The following ERICH1 variants were observed in gnomAD, a reference collection of about 807,000 sequenced individuals.
The protein encoded by ERICH1 is glutamate rich 1.
A neutral mutation model predicts 39.6 loss-of-function variants in ERICH1; 56 were observed. That is an observed-to-expected ratio of 1.41 (90% CI 1.14 to 1.77). ERICH1 has a LOEUF of 1.77. Among genes scored for constraint, ERICH1 ranks in the 40% most tolerant of loss-of-function variants. ERICH1 has a pLI of 0.00. For synonymous variants in ERICH1, 313 were observed against 223.6 expected, an observed-to-expected ratio of 1.40 and a Z score of -3.57; for missense variants, 826 against 575.4, an observed-to-expected ratio of 1.44 and a Z score of -4.45.
chr8:708,170 C>T (rs551454418), intron 2 of ERICH1, among the ~76,000 whole-genome samples: 1 of 152,018 alleles, frequency 6.6e-6, no homozygotes, highest in Non-Finnish European at 1.5e-5. Context: ...AAACTAGAAC[C>T]TTTGTACAAT....
intron 4 of ERICH1, 55 bp downstream of exon 4, chr8:673,234 T>G: frequency 6.6e-7 from 1 of 1,515,812 alleles, no homozygotes; most frequent in Admixed American, 2.2e-5. Context: ...TTGTTTCTTT[T>G]AATAAACTTT....
Position 721,477 on chromosome 8 carries a change from C to T in ERICH1, c.23-5470G>A, listed in dbSNP as rs142957725. ...TGGGTTTAGCATCTGAGCTGACAAG[C>T]GCCGAGCGTGCGGCCCCCACACACC... On this transcript the variant is annotated intron_variant, in intron 1 of 5. Coordinates refer to ENST00000262109, the MANE Select transcript of ERICH1 (RefSeq NM_207332.3). 4.7e-3 allele frequency among the ~76,000 whole-genome samples: 717 copies of T among 152,320 alleles called. 8 individuals are homozygous for T. Among genetic ancestry groups the T allele is most frequent in the African/African-American group, 0.016 (683 of 41,578 alleles).
At position 713,886 on chromosome 8, in the gene ERICH1, C is replaced by T. The variant is rs1049015296; in HGVS notation, c.169+1975G>A. ...CCCAGAAATGGCACCCAGGAACCCA[C>T]GTCTGGCTTCATAGACTTATGTGTT... On this transcript the variant is annotated intron_variant, in intron 2 of 5. Coordinates refer to ENST00000262109, the MANE Select transcript of ERICH1 (RefSeq NM_207332.3). Among the ~76,000 whole-genome samples, 12 of 152,176 alleles carry T rather than the reference C, an allele frequency of 7.9e-5. 1 individual carries two copies. Among genetic ancestry groups the T allele is most frequent in the Non-Finnish European group, 1.5e-4 (10 of 68,036 alleles).
intron 5 of ERICH1, chr8:667,943 G>A (rs1405259907): frequency 1.9e-5 from 3 of 153,908 alleles, no homozygotes; most frequent in African/African-American, 4.8e-5. Context: ...TGCCACTGAC[G>A]GGTGCCACGG....
chr8:655,291 C>T (rs544769172), intron 3 of ERICH1, among the ~76,000 whole-genome samples: 10 of 152,222 alleles, frequency 6.6e-5, no homozygotes, highest in Non-Finnish European at 1.3e-4. Flanking sequence ...TACGCTCAGA[C>T]GCCCTCATGC....
chr8:668,998 C>G lies in ERICH1; in HGVS notation c.1064-206G>C. ...CATGAACGACTGTGGAAACCTGGCC[C>G]GTCTACACCTCTGTCTGGTGAGACG... On this transcript the variant is annotated intron_variant, in intron 4 of 5. Coordinates refer to ENST00000262109, the MANE Select transcript of ERICH1 (RefSeq NM_207332.3). 3 of 584,168 alleles carry G rather than the reference C, an allele frequency of 5.1e-6. No homozygotes were observed. The South Asian group carries it at 6.5e-5, about 13-fold the overall frequency. The allele number at this position is 584,168 out of a possible 1,614,324, so 36.2% of individuals were successfully genotyped here. A position where few individuals can be genotyped will look rare whatever the true frequency, so the allele number is the denominator to read the frequency against.
chr8:656,791 C>T (rs1800717814), intron 3 of ERICH1: 1 of 985,360 alleles, frequency 1.0e-6, no homozygotes, highest in African/African-American at 1.7e-5. Flanking sequence ...CAGTGGTTCC[C>T]AGACTCCCAG....
At chr8:686,362 C>G (rs1338914386) in intron 3 of ERICH1, among the ~76,000 whole-genome samples, 1 of 152,132 alleles carries the variant, frequency 6.6e-6, no homozygotes, top group Non-Finnish European at 1.5e-5. Context: ...CCAACAATAG[C>G]TTGGAAATCG....
intron 1 of ERICH1, among the ~76,000 whole-genome samples, chr8:729,974 A>G (rs1411396503): frequency 6.6e-6 from 1 of 152,196 alleles, no homozygotes; most frequent in Non-Finnish European, 1.5e-5. Context: ...CAGTAGCAAG[A>G]AGCCCCCCAC....
At position 692,464 on chromosome 8, in the gene ERICH1, AC is replaced by A. The variant is rs1234499585; in HGVS notation, c.304+13del. On this transcript the variant is annotated intron_variant, in intron 3 of 5. Transcript: ENST00000262109. ...TGCAAAGATGTCTACCTTTCCTCCC[AC>A]CCAGCATTTTACCTTCTGTGTCATC... The A allele has an allele frequency of 6.2e-7, 1 of 1,613,932 alleles. No individual in the cohort carries two copies. The highest frequency in any genetic ancestry group is 8.5e-7 in the Non-Finnish European group (1 of 1,179,942).
chr8:717,382 C>T (rs1816255638), intron 1 of ERICH1, among the ~76,000 whole-genome samples: 1 of 152,162 alleles, frequency 6.6e-6, no homozygotes, highest in Admixed American at 6.5e-5. Flanking sequence ...CTCAAGCATA[C>T]CTGCCCGGCG....
chr8:689,192 G>A (rs1808356952), intron 3 of ERICH1, among the ~76,000 whole-genome samples: 1 of 151,964 alleles, frequency 6.6e-6, no homozygotes, highest in African/African-American at 2.4e-5. Context: ...GCTCACCACG[G>A]CCTCCGCCTC....
Position 673,843 on chromosome 8 carries a change from T to G in ERICH1, c.509A>C (p.Gln170Pro). 6.2e-7 allele frequency: 1 copy of G among 1,614,016 alleles called. No individual in the cohort carries two copies. Among genetic ancestry groups the G allele is most frequent in the Non-Finnish European group, 8.5e-7 (1 of 1,180,014 alleles). The stretch of plus-strand genomic sequence containing the variant: ...GCCGGCTGCTTTCTTCCTTTTAATT[T>G]GCTGTTTCTTTTTCAGTTTCCTTTT... ...NKKRKLKKKQ[Q>P]IKRKKAAGLA... Residue 170 changes from glutamine to proline, a missense_variant, in exon 4 of 6, where the codon CAA (glutamine) becomes CCA (proline). Transcript: ENST00000262109.
At chr8:624,754 T>G (rs34879583) in intron 3 of ERICH1, among the ~76,000 whole-genome samples, 1 of 151,650 alleles carries the variant, frequency 6.6e-6, no homozygotes, top group African/African-American at 2.4e-5. Context: ...TTTGAGACAG[T>G]CTCGCTCTGT....
chr8:663,515 C>CACAGGCGGG (rs145134905), downstream of ERICH1, among the ~76,000 whole-genome samples: 85,317 of 149,664 alleles, frequency 0.57, 25,502 homozygotes, highest in East Asian at 0.87. Context: ...CACGGATGCT[C>CACAGGCGGG]ACAGGCGGGA....
At chr8:616,461 G>T (rs1796903875) in intron 3 of ERICH1, 1 of 453,142 alleles carries the variant, frequency 2.2e-6, no homozygotes, top group Non-Finnish European at 4.4e-6. Context: ...CGGATTCAGC[G>T]CTGGCCAACA....
intron 5 of ERICH1, among the ~76,000 whole-genome samples, chr8:665,812 T>A (rs763505686): frequency 1.3e-5 from 2 of 152,170 alleles, no homozygotes; most frequent in Admixed American, 6.5e-5. Flanking sequence ...AGAGGAGACG[T>A]GACCAGCAGA....
In ERICH1 at chr8:627,988, G is replaced by C. The variant is rs570298349; in HGVS notation, c.977-12704C>G. Among the ~76,000 whole-genome samples, 111 of 152,322 alleles carry C rather than the reference G, an allele frequency of 7.3e-4. 1 individual carries two copies. Among genetic ancestry groups the C allele is most frequent in the African/African-American group, 2.5e-3 (105 of 41,572 alleles). ...GAGACCACAGTGCCGGACACTCCCAGCTCAAGGGGCAGCAGCAGGGGCGCC... is the reference window on the plus strand; with the variant it reads ...GAGACCACAGTGCCGGACACTCCCACCTCAAGGGGCAGCAGCAGGGGCGCC... On this transcript the variant is annotated intron_variant, in intron 3 of 3. Transcript: ENST00000522706.
chr8:706,773 AAAC>A (rs899864944), intron 2 of ERICH1, among the ~76,000 whole-genome samples: 7 of 152,166 alleles, frequency 4.6e-5, no homozygotes, highest in East Asian at 3.9e-4. Context: ...TCCATCTCAA[AAAC>A]AACAACAACA....
Sources: gnomAD v4.1 joint callset for allele counts (sites outside exome capture counted in the v4.1 genomes callset) on GRCh38, gnomAD v4.1.1 for gene constraint, MANE v1.5 for transcripts, NCBI Gene and HGNC (gene_info 2026-07-23, HGNC 2026-07-21) for gene names.